Variants in WDR41 observed in about 807,000 individuals in gnomAD.
WDR41 encodes the protein WD repeat domain 41.
Under a neutral mutation model 69.3 loss-of-function variants are expected in WDR41, and 63 were observed. The ratio of observed to expected loss-of-function variants is 0.91; its 90% CI spans 0.74 to 1.12. The LOEUF is 1.12. Ranked by LOEUF, WDR41 falls within the 50% of genes most tolerant of loss-of-function variation. The pLI is 0.00. For missense variants in WDR41, 543 were observed against 534.5 expected, an observed-to-expected ratio of 1.02 and a Z score of -0.16; for synonymous variants, 185 against 192.1, an observed-to-expected ratio of 0.96 and a Z score of 0.31.
At chr5:77,558,562 C>A (rs1230023401) in intron 1 of WDR41, among the ~76,000 whole-genome samples, 1 of 152,170 alleles carries the variant, frequency 6.6e-6, no homozygotes, top group Non-Finnish European at 1.5e-5. Flanking sequence ...AATTTGAAAA[C>A]GACCTTGGAT....
At chr5:77,471,953 G>T (rs144095089) in intron 2 of WDR41, among the ~76,000 whole-genome samples, 5 of 152,166 alleles carry the variant, frequency 3.3e-5, no homozygotes, top group East Asian at 3.9e-4. Flanking sequence ...TACCAAAGCC[G>T]GGCAGAGACA....
At chr5:77,494,029 A>G (rs163021), upstream of WDR41, among the ~76,000 whole-genome samples, 89,397 of 151,506 alleles carry the variant, frequency 0.59, 27,645 homozygotes, top group African/African-American at 0.77. Context: ...GCATCAATAG[A>G]AAGGGTGGGG....
intron 1 of WDR41, among the ~76,000 whole-genome samples, chr5:77,618,181 G>T (rs187333852): frequency 1.3e-5 from 2 of 152,306 alleles, no homozygotes; most frequent in East Asian, 1.9e-4. Context: ...CCCTGGACAT[G>T]TGAAGCAATG....
chr5:77,491,383 A>T (rs1187909671), intron 1 of WDR41: 1 of 157,310 alleles, frequency 6.4e-6, no homozygotes, highest in African/African-American at 2.4e-5. Flanking sequence ...GCCTGCACCC[A>T]GGTGATTAAA....
At chr5:77,461,600 T>C (rs1287556400) in intron 4 of WDR41, among the ~76,000 whole-genome samples, 1 of 152,092 alleles carries the variant, frequency 6.6e-6, no homozygotes, top group Non-Finnish European at 1.5e-5. Context: ...CACTTTGGGA[T>C]GCCAAGGCGG....
chr5:77,464,955 A>G (rs1308813659), intron 2 of WDR41, 146 bp from the exon 3 acceptor site: 5 of 776,578 alleles, frequency 6.4e-6, no homozygotes, highest in Non-Finnish European at 1.0e-5. Flanking sequence ...ATATTTATGA[A>G]ACACATTCCA....
At chr5:77,521,022 A>T (rs1802362617) in intron 1 of WDR41, among the ~76,000 whole-genome samples, 1 of 152,126 alleles carries the variant, frequency 6.6e-6, no homozygotes, top group Non-Finnish European at 1.5e-5. Context: ...ATATGCCAGG[A>T]GACTGGCAAC....
intron 1 of WDR41, among the ~76,000 whole-genome samples, chr5:77,600,003 C>A (rs1045269118): frequency 6.6e-6 from 1 of 152,206 alleles, no homozygotes; most frequent in Non-Finnish European, 1.5e-5. Flanking sequence ...CTGTAACATT[C>A]TCTTGCGGAT....
chr5:77,476,703 C>A (rs1429514839), intron 2 of WDR41, among the ~76,000 whole-genome samples: 2 of 151,360 alleles, frequency 1.3e-5, no homozygotes, highest in African/African-American at 4.9e-5. Context: ...CAACCAGTAC[C>A]AGCTGCTGCA....
At chr5:77,492,513 C>T (rs1801859637), upstream of WDR41, 2 of 369,664 alleles carry the variant, frequency 5.4e-6, no homozygotes, top group Non-Finnish European at 9.6e-6. Flanking sequence ...CGAGTGAGCA[C>T]GCGCGGGAGC....
chr5:77,596,441 T>C (rs1372398065), intron 1 of WDR41, among the ~76,000 whole-genome samples: 1 of 152,166 alleles, frequency 6.6e-6, no homozygotes, highest in African/African-American at 2.4e-5. Flanking sequence ...AATTCTTTTT[T>C]AAGTAGAAGC....
At chr5:77,447,322 G>A (rs1361497673) in intron 8 of WDR41, among the ~76,000 whole-genome samples, 1 of 152,188 alleles carries the variant, frequency 6.6e-6, no homozygotes, top group Non-Finnish European at 1.5e-5. Flanking sequence ...TGGTGGGAGT[G>A]TAAATTAGTT....
intron 1 of WDR41, among the ~76,000 whole-genome samples, chr5:77,490,647 C>T (rs1227168140): frequency 2.0e-5 from 3 of 151,934 alleles, no homozygotes; most frequent in Non-Finnish European, 4.4e-5. Flanking sequence ...TGTCTTCCTT[C>T]TAGAAGAGAT....
chr5:77,590,261 T>C (rs78537187), intron 1 of WDR41, among the ~76,000 whole-genome samples: 4,832 of 152,312 alleles, frequency 0.032, 243 homozygotes, highest in African/African-American at 0.11. Context: ...TACAACTATG[T>C]GTATCTGTTT....
At chr5:77,471,778 A>G (rs1179126757) in intron 2 of WDR41, among the ~76,000 whole-genome samples, 3 of 152,186 alleles carry the variant, frequency 2.0e-5, no homozygotes, top group Non-Finnish European at 2.9e-5. Flanking sequence ...AATTGACGCA[A>G]TAATTAATAG....
chr5:77,433,485 T>C (rs544904067), intron 12 of WDR41, among the ~76,000 whole-genome samples, 198 bp from the exon 13 acceptor site: 1 of 152,330 alleles, frequency 6.6e-6, no homozygotes, highest in Admixed American at 6.5e-5. Flanking sequence ...TTGTTAATAT[T>C]GTTCAACTAC....
At chr5:77,613,448 T>C (rs1238490715) in intron 1 of WDR41, among the ~76,000 whole-genome samples, 9 of 151,704 alleles carry the variant, frequency 5.9e-5, no homozygotes, top group Non-Finnish European at 1.0e-4. Context: ...AAAACAGAGA[T>C]ATAGATCAAT....
chr5:77,570,712 A>G (rs949857189), intron 1 of WDR41, among the ~76,000 whole-genome samples: 2 of 151,752 alleles, frequency 1.3e-5, no homozygotes, highest in African/African-American at 4.8e-5. Context: ...GTTTAGATAG[A>G]CAGTTAGTTA....
chr5:77,600,561 T>TA (rs1030836268), intron 1 of WDR41, among the ~76,000 whole-genome samples: 5 of 152,046 alleles, frequency 3.3e-5, no homozygotes, highest in African/African-American at 9.7e-5. Flanking sequence ...GCTGTATATC[T>TA]AAAAAAAATT....
Sources: gnomAD v4.1 joint callset for allele counts (sites outside exome capture counted in the v4.1 genomes callset) on GRCh38, gnomAD v4.1.1 for gene constraint, MANE v1.5 for transcripts, NCBI Gene and HGNC (gene_info 2026-07-23, HGNC 2026-07-21) for gene names.